The following SPATA16 variants were observed in gnomAD, a reference collection of about 807,000 sequenced individuals.
SPATA16 encodes spermatogenesis associated 16.
Under a neutral mutation model 63.3 loss-of-function variants are expected in SPATA16, and 36 were observed. That is an observed-to-expected ratio of 0.57 (90% CI 0.44 to 0.75). The LOEUF is 0.75. Among genes scored for constraint, SPATA16 ranks in the 30% least tolerant of loss-of-function variants. The pLI is 0.00. For missense variants in SPATA16, 646 were observed against 679.3 expected (o/e 0.95, Z 0.54); for synonymous variants, 203 against 216.7 (o/e 0.94, Z 0.56).
intron 8 of SPATA16, among the ~76,000 whole-genome samples, chr3:172,918,803 A>G (rs114871676): frequency 3.9e-5 from 6 of 152,116 alleles, no homozygotes; most frequent in African/African-American, 1.4e-4. Flanking sequence ...AAAACCTCAC[A>G]CAGGTACAAT....
intron 3 of SPATA16, among the ~76,000 whole-genome samples, chr3:173,025,787 G>A (rs1280970823): frequency 6.6e-6 from 1 of 152,042 alleles, no homozygotes; most frequent in East Asian, 1.9e-4. Context: ...TGTATCAATA[G>A]TTTGCTTCCT....
chr3:172,894,132 A>G (rs1731956202), intron 10 of SPATA16, among the ~76,000 whole-genome samples: 1 of 152,202 alleles, frequency 6.6e-6, no homozygotes, highest in Non-Finnish European at 1.5e-5. Flanking sequence ...TCACTCCACC[A>G]CAGTGGATTT....
intron 4 of SPATA16, among the ~76,000 whole-genome samples, chr3:173,000,802 A>G (rs1399638367): frequency 6.6e-6 from 1 of 151,206 alleles, no homozygotes; most frequent in Non-Finnish European, 1.5e-5. Context: ...TTCTTTGGTC[A>G]TGTCAGTCTA....
At position 172,923,138 on chromosome 3, in the gene SPATA16, A is replaced by C. The variant is rs368015820; in HGVS notation, c.1338+1070T>G. Among the ~76,000 whole-genome samples the C allele has an allele frequency of 5.9e-5, 9 of 152,220 alleles. 1 individual carries two copies. The highest frequency in any genetic ancestry group is 1.3e-4 in the Admixed American group (2 of 15,284). ...CTTGCATGGGCCTGATGATGAGGGTAATGATGTGTGTGGGTCTTTAGGTTG... is the reference window on the plus strand; with the variant it reads ...CTTGCATGGGCCTGATGATGAGGGTCATGATGTGTGTGGGTCTTTAGGTTG... On this transcript the variant is annotated intron_variant, in intron 8 of 10. Coordinates refer to ENST00000351008, the MANE Select transcript of SPATA16 (RefSeq NM_031955.6).
At chr3:173,122,561 A>G (rs1560130942) in intron 1 of SPATA16, among the ~76,000 whole-genome samples, 1 of 152,180 alleles carries the variant, frequency 6.6e-6, no homozygotes, top group South Asian at 2.1e-4. Context: ...AACCAGTGAG[A>G]CATTATGAGA....
chr3:173,058,344 C>T (rs1317383800), intron 2 of SPATA16, among the ~76,000 whole-genome samples: 3 of 152,000 alleles, frequency 2.0e-5, no homozygotes, highest in Admixed American at 1.3e-4. Flanking sequence ...AATGAACAGC[C>T]GTGTGTATAC....
chr3:172,893,509 G>A (rs1056854570), intron 10 of SPATA16, among the ~76,000 whole-genome samples: 15 of 152,176 alleles, frequency 9.9e-5, no homozygotes, highest in Non-Finnish European at 1.8e-4. Context: ...CCAGAATTGT[G>A]AAATAATACA....
chr3:172,901,203 A>T (rs1331800938), intron 10 of SPATA16, among the ~76,000 whole-genome samples: 1 of 151,788 alleles, frequency 6.6e-6, no homozygotes, highest in East Asian at 1.9e-4. Context: ...ACATCAGATA[A>T]TTCTTCTTTT....
chr3:173,123,976 G>A (rs34939098), intron 1 of SPATA16, among the ~76,000 whole-genome samples: 6,830 of 152,110 alleles, frequency 0.045, 212 homozygotes, highest in African/African-American at 0.084. Flanking sequence ...TATTGCAGCC[G>A]TCATTAGATG....
intron 2 of SPATA16, among the ~76,000 whole-genome samples, chr3:173,113,121 G>A (rs965158108): frequency 1.3e-5 from 2 of 152,108 alleles, no homozygotes; most frequent in African/African-American, 4.8e-5. Context: ...ATAGTAGTAT[G>A]TATTGCCTAA....
chr3:172,911,657 T>C (rs1047838699), intron 10 of SPATA16, among the ~76,000 whole-genome samples: 1 of 152,224 alleles, frequency 6.6e-6, no homozygotes, highest in Non-Finnish European at 1.5e-5. Context: ...GAGTGTCTTC[T>C]TCTTTAGTAA....
At chr3:173,077,191 T>C (rs983965466) in intron 2 of SPATA16, among the ~76,000 whole-genome samples, 5 of 152,196 alleles carry the variant, frequency 3.3e-5, no homozygotes, top group African/African-American at 1.2e-4. Context: ...TAAAATTCAG[T>C]GCTTTTCTGT....
At position 172,924,232 on chromosome 3, in the gene SPATA16, A is replaced by G. The variant is rs1338045469; in HGVS notation, c.1314T>C (p.Asp438=). The G allele has an allele frequency of 6.2e-7, 1 of 1,613,230 alleles. No homozygotes were observed. Among genetic ancestry groups the G allele is most frequent in the Admixed American group, 1.7e-5 (1 of 60,002 alleles). ...TMGKRILPIL[D]FIRSTQLNGS... ...CATTCAATTGGGTGCTTCTAATAAA[A>G]TCCAATATTGGCAAGATTCGCTTCC... Residue 438 remains aspartate (D), a synonymous_variant, in exon 8 of 11, where the codon GAT becomes GAC. Transcript: ENST00000351008.
At chr3:173,096,134 C>T (rs1308722319) in intron 2 of SPATA16, among the ~76,000 whole-genome samples, 1 of 152,032 alleles carries the variant, frequency 6.6e-6, no homozygotes, top group Non-Finnish European at 1.5e-5. Context: ...TGCTAAACTA[C>T]TATCCCATTT....
chr3:172,981,963 A>G (rs1734329149), intron 4 of SPATA16, among the ~76,000 whole-genome samples: 1 of 152,180 alleles, frequency 6.6e-6, no homozygotes. Context: ...TCACAAAGCC[A>G]AAAATACTCA....
chr3:172,984,033 G>A (rs1424357207), intron 4 of SPATA16, among the ~76,000 whole-genome samples: 2 of 143,700 alleles, frequency 1.4e-5, no homozygotes, highest in African/African-American at 5.2e-5. Context: ...GTCATTACCT[G>A]TGTTTACTTG....
chr3:173,037,620 T>G (rs538556253), intron 3 of SPATA16, among the ~76,000 whole-genome samples: 16 of 152,198 alleles, frequency 1.1e-4, no homozygotes, highest in African/African-American at 3.4e-4. Flanking sequence ...TGGTCTGCAT[T>G]TTCCCCAGTG....
Position 173,019,513 on chromosome 3 carries a change from C to T in SPATA16, c.821G>A (p.Cys274Tyr), listed in dbSNP as rs2108276411. The T allele has an allele frequency of 6.2e-7, 1 of 1,614,052 alleles. No individual in the cohort carries two copies. Among genetic ancestry groups the T allele is most frequent in the South Asian group, 1.1e-5 (1 of 91,084 alleles). Reference sequence around the variant, plus strand: ...GGCAGCCTCTGAATACCTCTCCAGACATCTAAACACTGTTGCTTGACGAAG... The same window carrying T: ...GGCAGCCTCTGAATACCTCTCCAGATATCTAAACACTGTTGCTTGACGAAG... ...NHLRQATVFR[C>Y]LERYSEAARS... The change falls in exon 4 of 11, where the codon TGT becomes TAT. Residue 274 changes from cysteine to tyrosine, a missense_variant. Transcript: ENST00000351008.
At chr3:172,935,097 C>T (rs1909517) in intron 6 of SPATA16, among the ~76,000 whole-genome samples, 2 of 152,196 alleles carry the variant, frequency 1.3e-5, no homozygotes. Flanking sequence ...AGAGGATAAA[C>T]TGAAAATCAG....
Sources: allele counts gnomAD v4.1 joint callset (sites outside exome capture counted in the v4.1 genomes callset), GRCh38; gene constraint gnomAD v4.1.1; transcripts MANE v1.5; gene names NCBI Gene and HGNC (gene_info 2026-07-23, HGNC 2026-07-21).